ZNF717: variants seen among roughly 807,000 people sequenced by gnomAD.
The protein encoded by ZNF717 is krueppel-like factor X17.
Under a neutral mutation model 13.8 loss-of-function variants are expected in ZNF717, and 9 were observed. The ratio of observed to expected loss-of-function variants is 0.65; its 90% confidence interval spans 0.39 to 1.14. The LOEUF (loss-of-function observed/expected upper bound fraction) is 1.14, where lower values mean the gene tolerates loss of function less well. ZNF717 is among the 50% of genes most tolerant of loss of function. The pLI, the probability that ZNF717 is intolerant of heterozygous loss-of-function variation, is 0.01. For synonymous variants in ZNF717, 327 were observed against 364.1 expected (o/e 0.90, Z 1.16); for missense variants, 1,040 against 1,080.7 (o/e 0.96, Z 0.53).
rs1456539985 is a variant in ZNF717, at chr3:75,738,275, G to A, written c.1348C>T (p.Pro450Ser). The stretch of plus-strand genomic sequence containing the variant: ...TTTCCACACTCATTACATTCATACG[G>A]TTTTTCCCCTGTGTGTGTTCTCTGA... The part of the protein sequence containing the change: ...VHQRTHTGEK[P>S]YECNECGKPF... The change falls in exon 5 of 5, where the codon CCG becomes TCG. Residue 450 changes from proline to serine, a missense_variant. Physicochemically the swap from Pro to Ser is moderately conservative, Grantham distance 74 (BLOSUM62 -1). This residue lies in a region of ZNF717 where 873 missense variants were observed against 832.8 expected (regional missense o/e 1.05). Coordinates refer to ENST00000652011, the MANE Select transcript of ZNF717 (RefSeq NM_001290208.3). 1 of 1,553,142 alleles carries A rather than the reference G, an allele frequency of 6.4e-7. No individual in the cohort carries two copies. Among genetic ancestry groups the A allele is most frequent in the Non-Finnish European group, 8.7e-7 (1 of 1,146,236 alleles).
intron 2 of ZNF717, among the ~76,000 whole-genome samples, chr3:75,757,950 T>TA (rs559373448): frequency 0.34 from 45,212 of 133,702 alleles, 8,400 homozygotes; most frequent in Non-Finnish European, 0.44. Flanking sequence ...CTGTCTCTAC[T>TA]AAAAAAAAAA....
At chr3:75,763,583 C>T (rs999342776) in intron 2 of ZNF717, among the ~76,000 whole-genome samples, 2 of 118,338 alleles carry the variant, frequency 1.7e-5, no homozygotes, top group African/African-American at 5.7e-5. Context: ...CACACTGGGG[C>T]ACCTCCTATC....
At chr3:75,703,274 T>C (rs1478223244) in intron 6 of ZNF717, among the ~76,000 whole-genome samples, 15 of 151,838 alleles carry the variant, frequency 9.9e-5, no homozygotes, top group Admixed American at 3.3e-4. Context: ...CTGATGCCTG[T>C]AATCCCAGCA....
At chr3:75,776,048 C>G (rs1490456341) in intron 2 of ZNF717, among the ~76,000 whole-genome samples, 2 of 152,218 alleles carry the variant, frequency 1.3e-5, no homozygotes, top group African/African-American at 4.8e-5. Context: ...ACCTATAACT[C>G]TTCAGTTACC....
At chr3:75,758,583 A>G (rs1338720885) in intron 2 of ZNF717, among the ~76,000 whole-genome samples, 1 of 152,228 alleles carries the variant, frequency 6.6e-6, no homozygotes, top group Non-Finnish European at 1.5e-5. Flanking sequence ...CGTATGCTAC[A>G]GATCATTCTT....
rs73843008 is a variant in ZNF717, at chr3:75,736,908, C to G, written c.2715G>C (p.Val905=). The G allele has an allele frequency of 4.5e-6, 7 of 1,554,548 alleles. No individual in the cohort carries two copies. The Admixed American group carries it at 1.4e-4, about 30-fold the overall frequency. ...GGAAAAAAGAGTGATTTTGAGGGAA[C>G]ACATAGCCTGCCTCAGCTACGTCAG... ...EKSDVAEAGY[V]FPQNHSFFP Residue 905 remains valine, a synonymous_variant, in exon 5 of 5, where the codon GTG becomes GTC. Coordinates refer to ENST00000652011, the MANE Select transcript of ZNF717 (RefSeq NM_001290208.3).
chr3:75,775,341 TA>T (rs1186736438), intron 2 of ZNF717, among the ~76,000 whole-genome samples: 1 of 57,354 alleles, frequency 1.7e-5, no homozygotes, highest in East Asian at 4.0e-4. Flanking sequence ...TATAACTATT[TA>T]AAGTCATTTC....
chr3:75,707,215 A>G (rs36135088), downstream of ZNF717, among the ~76,000 whole-genome samples: 1 of 152,206 alleles, frequency 6.6e-6, no homozygotes, highest in African/African-American at 2.4e-5. Flanking sequence ...AAGACAATAC[A>G]TATTAAGGCA....
intron 2 of ZNF717, among the ~76,000 whole-genome samples, chr3:75,754,013 G>A (rs150280519): frequency 2.0e-5 from 3 of 152,184 alleles, no homozygotes; most frequent in Non-Finnish European, 4.4e-5. Flanking sequence ...ACTCCAGCTG[G>A]GGTCTGAGTG....
At chr3:75,755,050 T>C (rs113466464) in intron 2 of ZNF717, among the ~76,000 whole-genome samples, 1 of 152,126 alleles carries the variant, frequency 6.6e-6, no homozygotes, top group East Asian at 1.9e-4. Context: ...AAATTCAAAA[T>C]GTTGACAGAA....
intron 2 of ZNF717, among the ~76,000 whole-genome samples, chr3:75,745,351 A>G (rs1941040554): frequency 6.6e-6 from 1 of 152,046 alleles, no homozygotes; most frequent in East Asian, 1.9e-4. Flanking sequence ...TATCTGAAGG[A>G]CAAGCATTCA....
At position 75,779,156 on chromosome 3, in the gene ZNF717, CG is replaced by C. The variant is rs1363861051; in HGVS notation, c.57+4149del. ...AACACAAAACAATGGGAGTGACGTG[CG>C]AAAACCGGAACCCAAAACAATGGGA... On this transcript the variant is annotated intron_variant, in intron 2 of 4. Coordinates refer to ENST00000652011, the MANE Select transcript of ZNF717 (RefSeq NM_001290208.3). 2.0e-5 allele frequency among the ~76,000 whole-genome samples: 3 copies of C among 151,740 alleles called. No homozygotes were observed. In the East Asian group the frequency reaches 5.8e-4, roughly 29 times the overall value.
chr3:75,744,990 A>G (rs1167634546), intron 2 of ZNF717, among the ~76,000 whole-genome samples: 1 of 152,150 alleles, frequency 6.6e-6, no homozygotes, highest in Non-Finnish European at 1.5e-5. Context: ...AGACCCAATC[A>G]TAGCATTCCA....
At chr3:75,699,124 G>T (rs1937637463) in intron 6 of ZNF717, among the ~76,000 whole-genome samples, 1 of 152,216 alleles carries the variant, frequency 6.6e-6, no homozygotes. Flanking sequence ...CTTCCTTTTA[G>T]AATAGGATTA....
rs1374053020 is a variant in ZNF717 at position 75,737,543 on chromosome 3, T to C, written c.2080A>G (p.Arg694Gly). Reference sequence around the variant, plus strand: ...GGGCTTTTCCCCGGTGTGAGTTCTCTGATGTATAATAAGGTATGATTTCTG... The same window carrying C: ...GGGCTTTTCCCCGGTGTGAGTTCTCCGATGTATAATAAGGTATGATTTCTG... ...FVRNHTLLYI[R>G]ELTPGKSPMN... The change falls in exon 5 of 5, where the codon AGA becomes GGA. Residue 694 changes from arginine to glycine, a missense_variant. Arg to Gly is a moderately radical substitution (Grantham distance 125). Around this residue, in one of 3 missense-constraint regions of ZNF717, gnomAD observed 873 missense variants for 832.8 expected, o/e 1.05. Transcript: ENST00000652011. 10 of 1,553,028 alleles carry C rather than the reference T, an allele frequency of 6.4e-6. No homozygotes were observed. In the East Asian group the frequency reaches 1.2e-4, roughly 19 times the overall value.
intron 2 of ZNF717, among the ~76,000 whole-genome samples, chr3:75,746,622 C>G (rs1274444777): frequency 6.6e-6 from 1 of 152,190 alleles, no homozygotes; most frequent in Non-Finnish European, 1.5e-5. Context: ...TTGCATTTCT[C>G]TGATGGCCAG....
chr3:75,777,280 C>A (rs1944397372), intron 2 of ZNF717, among the ~76,000 whole-genome samples: 2 of 152,062 alleles, frequency 1.3e-5, no homozygotes, highest in Non-Finnish European at 2.9e-5. Flanking sequence ...AAACCCAAAA[C>A]AATGGGAGTG....
intron 2 of ZNF717, among the ~76,000 whole-genome samples, chr3:75,777,165 G>A (rs1173578967): frequency 7.2e-6 from 1 of 138,710 alleles, no homozygotes; most frequent in Non-Finnish European, 1.6e-5. Flanking sequence ...GCAACTATAA[G>A]GACACTGTAA....
intron 5 of ZNF717, among the ~76,000 whole-genome samples, chr3:75,714,956 A>G (rs1377126718): frequency 6.6e-6 from 1 of 152,232 alleles, no homozygotes; most frequent in Non-Finnish European, 1.5e-5. Context: ...ACACACACAA[A>G]TAACAGATCT....
Sources: allele counts gnomAD v4.1 joint callset (sites outside exome capture counted in the v4.1 genomes callset), GRCh38; gene constraint gnomAD v4.1.1; regional missense constraint gnomAD v4.1.1; transcripts MANE v1.5; gene names NCBI Gene and HGNC (gene_info 2026-07-23, HGNC 2026-07-21).